Variants in MKLN1 observed in about 807,000 individuals in gnomAD.
MKLN1 encodes the protein muskelin.
MKLN1 carries 18 observed loss-of-function variants against 99.0 expected under a neutral mutation model. The ratio of observed to expected loss-of-function variants is 0.18; its 90% confidence interval spans 0.13 to 0.27. The LOEUF (loss-of-function observed/expected upper bound fraction) is 0.27, where lower values mean the gene tolerates loss of function less well. Ranked by LOEUF, MKLN1 falls within the 10% of genes least tolerant of loss-of-function variation. The pLI is 1.00. For missense variants in MKLN1, 621 were observed against 875.9 expected (o/e 0.71, Z 3.67); for synonymous variants, 288 against 293.2 (o/e 0.98, Z 0.18).
chr7:131,128,213 A>G (rs1795492863), intron 1 of MKLN1, among the ~76,000 whole-genome samples: 1 of 138,504 alleles, frequency 7.2e-6, no homozygotes, highest in Admixed American at 7.8e-5. Context: ...TTCAAAAAAA[A>G]AAAAAAAACA....
intron 1 of MKLN1, among the ~76,000 whole-genome samples, chr7:131,336,410 G>C (rs1252327472): frequency 1.3e-5 from 2 of 151,816 alleles, no homozygotes; most frequent in African/African-American, 4.8e-5. Flanking sequence ...AATATATTTA[G>C]CTCATTAATG....
intron 16 of MKLN1, among the ~76,000 whole-genome samples, chr7:131,475,500 C>T (rs1174289602): frequency 1.3e-5 from 2 of 152,136 alleles, no homozygotes; most frequent in Non-Finnish European, 2.9e-5. Context: ...CTTTTATAAG[C>T]CAGGTTAACT....
intron 12 of MKLN1, 115 bp from the exon 13 acceptor site, chr7:131,463,102 C>T: frequency 2.3e-6 from 2 of 886,900 alleles, no homozygotes; most frequent in East Asian, 2.7e-5. Flanking sequence ...TCAGCTTGGG[C>T]AACAGAGTGA....
At chr7:131,296,373 A>G (rs1798291655) in intron 3 of MKLN1, among the ~76,000 whole-genome samples, 2 of 152,190 alleles carry the variant, frequency 1.3e-5, no homozygotes, top group South Asian at 4.1e-4. Context: ...ATAGGATGAT[A>G]TATATTATTT....
chr7:131,434,053 T>C, intron 9 of MKLN1, among the ~76,000 whole-genome samples: 1 of 152,028 alleles, frequency 6.6e-6, no homozygotes, highest in Non-Finnish European at 1.5e-5. Context: ...ACCTGGCTAA[T>C]TTTTGTATTT....
At chr7:131,213,581 C>T (rs1265705687) in intron 3 of MKLN1, among the ~76,000 whole-genome samples, 1 of 152,184 alleles carries the variant, frequency 6.6e-6, no homozygotes, top group Non-Finnish European at 1.5e-5. Context: ...CCAAGAATAT[C>T]TTCAAATATT....
In MKLN1 at chr7:131,160,925, T is replaced by C. The variant is rs147246955; in HGVS notation, c.-297+17984T>C. On this transcript the variant is annotated intron_variant, in intron 2 of 7. Coordinates refer to the MKLN1 transcript ENST00000416992. ...GAGAAGTATAGGAGCAAGTGGTTGC[T>C]TTAGCAAATGTCCTATCCTGTCCTA... 2.0e-3 allele frequency among the ~76,000 whole-genome samples: 298 copies of C among 152,300 alleles called. 1 individual carries two copies. Among genetic ancestry groups the C allele is most frequent in the African/African-American group, 7.0e-3 (289 of 41,568 alleles).
intron 3 of MKLN1, among the ~76,000 whole-genome samples, chr7:131,301,582 C>T (rs1161293053): frequency 6.6e-6 from 1 of 152,122 alleles, no homozygotes; most frequent in African/African-American, 2.4e-5. Context: ...TGAAATCAGT[C>T]CAGGGAACCT....
chr7:131,382,586 T>C (rs1328495119), intron 2 of MKLN1, among the ~76,000 whole-genome samples: 2 of 152,306 alleles, frequency 1.3e-5, no homozygotes, highest in East Asian at 1.9e-4. Flanking sequence ...ATCAGATTTA[T>C]ATATGATTTG....
chr7:131,470,306 A>C (rs552588523), intron 15 of MKLN1, among the ~76,000 whole-genome samples: 21 of 152,328 alleles, frequency 1.4e-4, no homozygotes, highest in African/African-American at 5.1e-4. Context: ...TGGTTGCTGC[A>C]GTTGTTTTTA....
chr7:131,433,882 ATTT>A (rs11346221), intron 9 of MKLN1, among the ~76,000 whole-genome samples: 32 of 128,816 alleles, frequency 2.5e-4, no homozygotes, highest in South Asian at 2.6e-4. Context: ...TGTCGTTTGA[ATTT>A]TTTTTTTTTT....
chr7:131,429,326 C>T (rs1795455566), intron 9 of MKLN1, among the ~76,000 whole-genome samples, 181 bp downstream of exon 9: 1 of 152,104 alleles, frequency 6.6e-6, no homozygotes, highest in African/African-American at 2.4e-5. Context: ...TGTTCAGCTA[C>T]TGATACACAA....
intron 10 of MKLN1, among the ~76,000 whole-genome samples, chr7:131,442,471 T>C (rs1313439952): frequency 6.6e-6 from 1 of 152,014 alleles, no homozygotes; most frequent in African/African-American, 2.4e-5. Flanking sequence ...TGCTTGAACC[T>C]GGGAGGCAGA....
At chr7:131,291,291 C>T (rs1416918675) in intron 3 of MKLN1, among the ~76,000 whole-genome samples, 7 of 151,104 alleles carry the variant, frequency 4.6e-5, no homozygotes, top group African/African-American at 7.3e-5. Flanking sequence ...TCACCACACC[C>T]GGCTAATTTT....
At chr7:131,255,541 G>T (rs1374431673) in intron 3 of MKLN1, among the ~76,000 whole-genome samples, 2 of 152,146 alleles carry the variant, frequency 1.3e-5, no homozygotes, top group African/African-American at 4.8e-5. Flanking sequence ...TTTAAAGCCT[G>T]TCAACTAGTT....
intron 1 of MKLN1, among the ~76,000 whole-genome samples, chr7:131,339,402 A>G (rs893208442): frequency 3.3e-5 from 5 of 152,160 alleles, no homozygotes; most frequent in African/African-American, 4.8e-5. Flanking sequence ...ACTTGTTTAT[A>G]AGGTTAAGAA....
chr7:131,300,941 C>T (rs1357020525), intron 3 of MKLN1, among the ~76,000 whole-genome samples: 1 of 152,150 alleles, frequency 6.6e-6, no homozygotes, highest in Non-Finnish European at 1.5e-5. Flanking sequence ...GCTGGCTTTT[C>T]GGGAGAAATT....
intron 15 of MKLN1, among the ~76,000 whole-genome samples, chr7:131,468,195 C>T (rs1037792904): frequency 6.6e-6 from 1 of 152,192 alleles, no homozygotes; most frequent in Non-Finnish European, 1.5e-5. Context: ...AGAAAGAAAG[C>T]AGTCGAGGAT....
intron 4 of MKLN1, 63 bp from the exon 5 acceptor site, chr7:131,397,204 G>A: frequency 8.8e-7 from 1 of 1,135,334 alleles, no homozygotes; most frequent in Non-Finnish European, 1.3e-6. Context: ...CTTTTACTTT[G>A]CTAAAGTTTT....
Sources: allele counts gnomAD v4.1 joint callset (sites outside exome capture counted in the v4.1 genomes callset), GRCh38; gene constraint gnomAD v4.1.1; transcripts MANE v1.5; gene names NCBI Gene and HGNC (gene_info 2026-07-23, HGNC 2026-07-21).